Variants in KIAA0586 observed in about 807,000 individuals in gnomAD.
KIAA0586 encodes KIAA0586.
Under a neutral mutation model 169.8 loss-of-function variants are expected in KIAA0586, and 144 were observed. The observed-to-expected ratio is 0.85, with a 90% CI of 0.74 to 0.97. KIAA0586 has a LOEUF of 0.97. Among genes scored for constraint, KIAA0586 ranks in the 50% least tolerant of loss-of-function variants. The pLI, the probability that KIAA0586 is intolerant of heterozygous loss-of-function variation, is 0.00. For missense variants in KIAA0586, 1,854 were observed against 1,823.0 expected, an observed-to-expected ratio of 1.02 and a Z score of -0.31; for synonymous variants, 625 against 612.4, an observed-to-expected ratio of 1.02 and a Z score of -0.30.
At position 58,442,821 on chromosome 14, in the gene KIAA0586, G is replaced by A. The variant is rs1292751570; in HGVS notation, c.526G>A (p.Ala176Thr). 1.9e-6 allele frequency: 3 copies of A among 1,610,680 alleles called. No homozygotes were observed. Among genetic ancestry groups the A allele is most frequent in the East Asian group, 4.5e-5 (2 of 44,846 alleles). The change falls in exon 5 of 31, where the codon GCT becomes ACT. Residue 176 changes from alanine (A) to threonine (T), a missense_variant. Physicochemically the swap from Ala to Thr is moderately conservative, Grantham distance 58. Coordinates refer to ENST00000652326, the MANE Select transcript of KIAA0586 (RefSeq NM_001329943.3). ...TRISPSGIDS[A>T]TTVAAATAAA... ...AATTTCACCCAGTGGAATTGATTCAGCTACAACCGTGGCTGCAGCAACTGC... is the reference window on the plus strand; with the variant it reads ...AATTTCACCCAGTGGAATTGATTCAACTACAACCGTGGCTGCAGCAACTGC...
intron 26 of KIAA0586, among the ~76,000 whole-genome samples, chr14:58,493,841 G>A (rs2042980087): frequency 6.6e-6 from 1 of 151,982 alleles, no homozygotes; most frequent in African/African-American, 2.4e-5. Context: ...AGGAGGGAGA[G>A]GAGAGAGAGA....
chr14:58,479,402 A>G (rs2041876963), intron 20 of KIAA0586, among the ~76,000 whole-genome samples: 1 of 152,108 alleles, frequency 6.6e-6, no homozygotes, highest in Non-Finnish European at 1.5e-5. Context: ...GAAGTTTTTT[A>G]TCTATTCTGG....
chr14:58,515,150 G>A (rs2044661648), intron 29 of KIAA0586, among the ~76,000 whole-genome samples: 2 of 150,840 alleles, frequency 1.3e-5, no homozygotes, highest in Admixed American at 1.3e-4. Flanking sequence ...TATGTTTTAT[G>A]GTAAAATGCT....
At position 58,432,472 on chromosome 14, in the gene KIAA0586, C is replaced by T. The variant is rs764749722; in HGVS notation, c.410+15C>T. ...TTAAAGCAAAAGTAAGTTTCATTTA[C>T]AGAAAATAATTGGACCATTTCTTAT... On this transcript the variant is annotated intron_variant, in intron 4 of 30. Coordinates refer to ENST00000652326, the MANE Select transcript of KIAA0586 (RefSeq NM_001329943.3). 1 of 1,425,362 alleles carries T rather than the reference C, an allele frequency of 7.0e-7. No individual in the cohort carries two copies. Among genetic ancestry groups the T allele is most frequent in the Admixed American group, 2.0e-5 (1 of 49,734 alleles). The allele number at this position is 1,425,362 out of a possible 1,614,324, so 88.3% of individuals were successfully genotyped here.
At chr14:58,449,150 A>G (rs1203741430) in intron 7 of KIAA0586, among the ~76,000 whole-genome samples, 1 of 152,244 alleles carries the variant, frequency 6.6e-6, no homozygotes, top group African/African-American at 2.4e-5. Context: ...AGATCTATAT[A>G]GTACAATATT....
intron 21 of KIAA0586, among the ~76,000 whole-genome samples, chr14:58,486,490 G>A (rs914688461): frequency 9.2e-5 from 14 of 151,910 alleles, no homozygotes; most frequent in African/African-American, 3.1e-4. Context: ...AGACATACAA[G>A]CAGTCAACAA....
chr14:58,498,382 C>T (rs762323299), intron 26 of KIAA0586, among the ~76,000 whole-genome samples: 1 of 151,522 alleles, frequency 6.6e-6, no homozygotes, highest in Non-Finnish European at 1.5e-5. Context: ...CGCCATGTTG[C>T]CTAGGCTGGT....
intron 27 of KIAA0586, among the ~76,000 whole-genome samples, chr14:58,499,388 G>T (rs1359646323): frequency 6.6e-6 from 1 of 151,748 alleles, no homozygotes; most frequent in Non-Finnish European, 1.5e-5. Context: ...GAGCAGCTGG[G>T]ACTACAGGAG....
rs200127338 is a variant in KIAA0586, at chr14:58,512,523, A to G, written c.4325A>G (p.Tyr1442Cys). The change falls in exon 29 of 31, where the codon TAC (tyrosine) becomes TGC (cysteine). Residue 1442 changes from tyrosine (Y) to cysteine (C), a missense_variant and splice_region_variant. Coordinates refer to ENST00000652326, the MANE Select transcript of KIAA0586 (RefSeq NM_001329943.3). The part of the protein sequence containing the change: ...LPVAAEDFSQ[Y>C]QLKQNQDVKQ... Reference sequence around the variant, plus strand: ...GACTTCATATCTTAAATTATTTAGTACCAACTAAAGCAAAATCAGGATGTT... The same window carrying G: ...GACTTCATATCTTAAATTATTTAGTGCCAACTAAAGCAAAATCAGGATGTT... 605 of 1,485,452 alleles carry G rather than the reference A, an allele frequency of 4.1e-4. 1 individual carries two copies. Among genetic ancestry groups the G allele is most frequent in the Non-Finnish European group, 5.1e-4 (567 of 1,111,510 alleles). 92.0% of individuals were successfully genotyped at this position (1,485,452 alleles called of 1,614,324 possible).
chr14:58,529,407 A>G (rs1472745204), intron 29 of KIAA0586, among the ~76,000 whole-genome samples: 1 of 152,198 alleles, frequency 6.6e-6, no homozygotes, highest in African/African-American at 2.4e-5. Context: ...AACAAAAAAA[A>G]GAAAATTTCA....
intron 21 of KIAA0586, among the ~76,000 whole-genome samples, chr14:58,485,270 T>C (rs1270365532): frequency 2.0e-5 from 3 of 151,636 alleles, no homozygotes; most frequent in Non-Finnish European, 4.4e-5. Flanking sequence ...TTCATATACA[T>C]AGAAGAAATA....
chr14:58,523,323 C>G, intron 29 of KIAA0586, among the ~76,000 whole-genome samples: 1 of 152,034 alleles, frequency 6.6e-6, no homozygotes, highest in Non-Finnish European at 1.5e-5. Context: ...TTTTTCTCAT[C>G]TTTTTGACAT....
chr14:58,475,435 C>T (rs1376326646), intron 19 of KIAA0586, among the ~76,000 whole-genome samples: 1 of 139,462 alleles, frequency 7.2e-6, no homozygotes, highest in Non-Finnish European at 1.6e-5. Context: ...TACCACAAAA[C>T]CAATCCCTGA....
chr14:58,517,324 C>A (rs960428394), intron 29 of KIAA0586, among the ~76,000 whole-genome samples: 11 of 152,088 alleles, frequency 7.2e-5, no homozygotes, highest in Non-Finnish European at 1.5e-4. Flanking sequence ...AAGATTTGAA[C>A]AGATACTTCA....
the KIAA0586 span, among the ~76,000 whole-genome samples, chr14:58,561,277 T>C: frequency 1.6e-4 from 25 of 152,368 alleles, no homozygotes; most frequent in African/African-American, 5.8e-4. Context: ...TTTCTTGCTA[T>C]ACATTTACAT....
rs530698657 is a variant in KIAA0586, at chr14:58,434,803, C to T, written c.410+2346C>T. 2.0e-5 allele frequency among the ~76,000 whole-genome samples: 3 copies of T among 152,212 alleles called. No individual in the cohort carries two copies. The South Asian group carries it at 6.2e-4, about 32-fold the overall frequency. On this transcript the variant is annotated intron_variant, in intron 4 of 30. Transcript: ENST00000652326. ...TTTATTTTGTTGAGACAGGATCTCG[C>T]TCTGTCACCCAGGCTGGAGTTCATG...
Position 58,512,542 on chromosome 14 carries a change from G to A in KIAA0586, c.4344G>A (p.Gln1448=), listed in dbSNP as rs1418026186. ...DFSQYQLKQN[Q]DVKQVEHKPS... is the part of the protein sequence containing the mutation. ...TTTAGTACCAACTAAAGCAAAATCAGGATGTTAAGCAAGTTGAACACAAAC... is the reference window on the plus strand; with the variant it reads ...TTTAGTACCAACTAAAGCAAAATCAAGATGTTAAGCAAGTTGAACACAAAC... The change falls in exon 29 of 31, where the codon CAG becomes CAA. Residue 1448 remains glutamine, a synonymous_variant. Coordinates refer to ENST00000652326, the MANE Select transcript of KIAA0586 (RefSeq NM_001329943.3). The A allele has an allele frequency of 2.0e-6, 3 of 1,533,576 alleles. No homozygotes were observed. The allele number at this position is 1,533,576 out of a possible 1,614,324, so 95.0% of individuals were successfully genotyped here.
intron 29 of KIAA0586, among the ~76,000 whole-genome samples, chr14:58,531,049 G>A (rs371468260): frequency 3.5e-4 from 53 of 152,064 alleles, no homozygotes; most frequent in African/African-American, 1.2e-3. Context: ...AGTGGCTCAC[G>A]CCTGTAATCC....
Position 58,548,047 on chromosome 14 carries a change from T to G in KIAA0586, c.*115T>G. Reference sequence around the variant, plus strand: ...TTTGAGCATATTCTGAAAAAAAAATTCCAATATTTTAAAATAAAACAAAAA... The same window carrying G: ...TTTGAGCATATTCTGAAAAAAAAATGCCAATATTTTAAAATAAAACAAAAA... On this transcript the variant is annotated 3_prime_UTR_variant, in exon 31 of 31. Transcript: ENST00000652326. The G allele has an allele frequency of 8.1e-7, 1 of 1,231,580 alleles. No individual in the cohort carries two copies. Among genetic ancestry groups the G allele is most frequent in the South Asian group, 1.7e-5 (1 of 58,446 alleles). 76.3% of individuals were successfully genotyped at this position (1,231,580 alleles called of 1,614,324 possible).
Sources: allele counts gnomAD v4.1 joint callset (sites outside exome capture counted in the v4.1 genomes callset), GRCh38; gene constraint gnomAD v4.1.1; transcripts MANE v1.5; gene names NCBI Gene and HGNC (gene_info 2026-07-23, HGNC 2026-07-21).